TNIP3: variants seen among roughly 807,000 people sequenced by gnomAD.
TNIP3 encodes TNFAIP3 interacting protein 3, also known as TNFAIP3-interacting protein 3.
TNIP3 carries 34 observed loss-of-function variants against 54.1 expected under a neutral mutation model. The observed-to-expected ratio is 0.63, with a 90% CI of 0.48 to 0.84. TNIP3 has a LOEUF of 0.84. Ranked by LOEUF, TNIP3 falls within the 40% of genes least tolerant of loss-of-function variation. The pLI is 0.00. For synonymous variants in TNIP3, 134 were observed against 136.8 expected, an observed-to-expected ratio of 0.98 and a Z score of 0.14; for missense variants, 366 against 387.6, an observed-to-expected ratio of 0.94 and a Z score of 0.47.
chr4:121,153,457 T>G (rs1729885039), intron 5 of TNIP3, among the ~76,000 whole-genome samples: 1 of 152,204 alleles, frequency 6.6e-6, no homozygotes, highest in African/African-American at 2.4e-5. Context: ...TATAGTTCCT[T>G]TAATGCATTT....
chr4:121,161,421 TTTACATAAATTAG>T (rs1375639075), intron 1 of TNIP3, among the ~76,000 whole-genome samples: 1 of 152,166 alleles, frequency 6.6e-6, no homozygotes, highest in Non-Finnish European at 1.5e-5. Context: ...TTTAGAATGC[TTTACATAAATTAG>T]TTACCAATAT....
chr4:121,217,642 C>T (rs886285111), upstream of TNIP3, among the ~76,000 whole-genome samples: 3 of 152,124 alleles, frequency 2.0e-5, no homozygotes, highest in East Asian at 1.9e-4. Flanking sequence ...TTATATGGAA[C>T]GCTGGAGATA....
At chr4:121,218,506 T>C (rs916398326), upstream of TNIP3, among the ~76,000 whole-genome samples, 5 of 151,872 alleles carry the variant, frequency 3.3e-5, no homozygotes, top group East Asian at 3.9e-4. Flanking sequence ...TAATTTCCAA[T>C]AGTTTATTTT....
At chr4:121,189,575 G>C (rs1425993477) in intron 2 of TNIP3, among the ~76,000 whole-genome samples, 3 of 152,186 alleles carry the variant, frequency 2.0e-5, no homozygotes, top group Non-Finnish European at 4.4e-5. Context: ...AGATGACTGA[G>C]TTCAGGTGTC....
rs917346667 is a variant in TNIP3, at chr4:121,132,365, C to T, written c.*266G>A. ...TATGCTGAAGAGATTTTCAGGGAGT[C>T]GTGCATCATCCATCTGCCAAGTCTC... On this transcript the variant is annotated 3_prime_UTR_variant, in exon 11 of 11. Coordinates refer to ENST00000057513, the MANE Select transcript of TNIP3 (RefSeq NM_024873.6). 4.8e-5 allele frequency: 21 copies of T among 440,344 alleles called. 1 individual carries two copies. The Admixed American group carries it at 6.1e-4, about 13-fold the overall frequency. 27.3% of individuals were successfully genotyped at this position (440,344 alleles called of 1,614,324 possible).
At position 121,145,989 on chromosome 4, in the gene TNIP3, A is replaced by G. The variant is rs545420905; in HGVS notation, c.735+1060T>C. 8.6e-5 allele frequency among the ~76,000 whole-genome samples: 13 copies of G among 151,778 alleles called. No homozygotes were observed. In the East Asian group the frequency reaches 1.2e-3, roughly 14 times the overall value. ...CAAAACACCATCTCATAAAAAAAAA[A>G]AGAGAGAGAGAGAATATACAATATA... On this transcript the variant is annotated intron_variant, in intron 7 of 10. Coordinates refer to ENST00000057513, the MANE Select transcript of TNIP3 (RefSeq NM_024873.6).
At chr4:121,193,159 T>C (rs369438272) in intron 2 of TNIP3, among the ~76,000 whole-genome samples, 2 of 152,300 alleles carry the variant, frequency 1.3e-5, no homozygotes, top group South Asian at 4.1e-4. Flanking sequence ...CTTTATCAGC[T>C]ATACAAAAAG....
intron 2 of TNIP3, among the ~76,000 whole-genome samples, chr4:121,196,630 A>G (rs1307688668): frequency 2.0e-5 from 3 of 152,066 alleles, no homozygotes; most frequent in Non-Finnish European, 4.4e-5. Context: ...AAAATTAACA[A>G]TTGCTTAGTA....
chr4:121,164,072 C>T lies in TNIP3; in HGVS notation c.54G>A (p.Thr18=), dbSNP rs753291162. The change falls in exon 1 of 11, where the codon ACG becomes ACA. Residue 18 remains threonine, a synonymous_variant. Transcript: ENST00000057513. The stretch of plus-strand genomic sequence containing the variant: ...AATATGTTCTTACCTCTTTATGCTC[C>T]GTAGAACTTTCTGCGGCAATCATTC... The part of the protein sequence containing the change: ...TSRMIAAESS[T]EHKECAEPST... The T allele has an allele frequency of 9.9e-6, 16 of 1,613,592 alleles. No homozygotes were observed. The highest frequency in any genetic ancestry group is 2.2e-5 in the East Asian group (1 of 44,840).
intron 3 of TNIP3, 118 bp from the exon 4 acceptor site, chr4:121,157,361 G>C (rs6835790): frequency 0.23 from 300,030 of 1,310,130 alleles, 36,594 homozygotes; most frequent in African/African-American, 0.28. Flanking sequence ...GTCCCCTAAG[G>C]AGAGGTTCTA....
chr4:121,226,619 G>A (rs1023525704), intron 1 of TNIP3, among the ~76,000 whole-genome samples: 1 of 152,196 alleles, frequency 6.6e-6, no homozygotes, highest in Non-Finnish European at 1.5e-5. Flanking sequence ...AAGCCAGAAA[G>A]CAAATGTTAT....
chr4:121,170,709 C>T (rs566788161), intron 3 of TNIP3, among the ~76,000 whole-genome samples: 4 of 152,084 alleles, frequency 2.6e-5, no homozygotes, highest in Non-Finnish European at 5.9e-5. Flanking sequence ...TTTCATGGTG[C>T]TTTCTAAGAT....
In TNIP3 at chr4:121,182,581, G is replaced by A. The variant is rs13152159; in HGVS notation, c.189+95C>T. On this transcript the variant is annotated intron_variant, in intron 3 of 12. Transcript: ENST00000507879. ...GCTGACAAGGAAGTACATGACTGACGGTAAATGACTTGGGGACTGTCTCCA... is the reference window on the plus strand; with the variant it reads ...GCTGACAAGGAAGTACATGACTGACAGTAAATGACTTGGGGACTGTCTCCA... 2.5e-5 allele frequency: 35 copies of A among 1,399,450 alleles called. No homozygotes were observed. In the South Asian group the frequency reaches 3.6e-4, roughly 15 times the overall value. 86.7% of individuals were successfully genotyped at this position (1,399,450 alleles called of 1,614,324 possible). A position where few individuals can be genotyped will look rare whatever the true frequency, so the allele number is the denominator to read the frequency against.
At chr4:121,218,919 G>T (rs1726918700), upstream of TNIP3, among the ~76,000 whole-genome samples, 1 of 152,144 alleles carries the variant, frequency 6.6e-6, no homozygotes, top group South Asian at 2.1e-4. Flanking sequence ...CACAGAAGTG[G>T]CCAGCCATGG....
intron 3 of TNIP3, among the ~76,000 whole-genome samples, chr4:121,171,505 G>T (rs1723938293): frequency 3.3e-5 from 5 of 151,980 alleles, no homozygotes; most frequent in Admixed American, 3.3e-4. Flanking sequence ...AAATGTTAGG[G>T]GAAAAGTCTG....
intron 1 of TNIP3, among the ~76,000 whole-genome samples, 159 bp downstream of exon 1, chr4:121,163,901 T>C (rs917823055): frequency 6.6e-6 from 1 of 152,194 alleles, no homozygotes; most frequent in Non-Finnish European, 1.5e-5. Flanking sequence ...TAGATATTTT[T>C]TTCTATGTTA....
At chr4:121,184,201 C>G (rs1724877486) in intron 2 of TNIP3, among the ~76,000 whole-genome samples, 1 of 151,962 alleles carries the variant, frequency 6.6e-6, no homozygotes, top group Non-Finnish European at 1.5e-5. Context: ...CTGAAAATAA[C>G]CTCTTGGATT....
intron 8 of TNIP3, 83 bp from the exon 9 acceptor site, chr4:121,141,997 G>T: frequency 3.4e-6 from 3 of 883,514 alleles, no homozygotes; most frequent in South Asian, 2.7e-5. Context: ...AAAAGGTTTG[G>T]TTTCAATCTT....
In TNIP3 at chr4:121,182,816, A is replaced by T. The variant is rs879285023; in HGVS notation, c.69-20T>A. 2.0e-5 allele frequency: 30 copies of T among 1,533,624 alleles called. No homozygotes were observed. In the Admixed American group the frequency reaches 5.7e-4, roughly 29 times the overall value. On this transcript the variant is annotated intron_variant, in intron 2 of 12. Transcript: ENST00000507879. Reference sequence around the variant, plus strand: ...TCACATCTGCCCAGAAAGACATGGGAAAGTTACATTATACAAAGGTAATTA... The same window carrying T: ...TCACATCTGCCCAGAAAGACATGGGTAAGTTACATTATACAAAGGTAATTA...
Sources: allele counts gnomAD v4.1 joint callset (sites outside exome capture counted in the v4.1 genomes callset), GRCh38; gene constraint gnomAD v4.1.1; transcripts MANE v1.5; gene names NCBI Gene and HGNC (gene_info 2026-07-23, HGNC 2026-07-21).